The following CDC14A variants were observed in gnomAD, a reference collection of about 807,000 sequenced individuals.
CDC14A encodes dual specificity protein phosphatase CDC14A.
CDC14A carries 53 observed loss-of-function variants against 74.4 expected under a neutral mutation model. The ratio of observed to expected loss-of-function variants is 0.71; its 90% confidence interval spans 0.57 to 0.89. CDC14A has a LOEUF of 0.89. Ranked by LOEUF, CDC14A falls within the 40% of genes least tolerant of loss-of-function variation. The pLI is 0.00. For synonymous variants in CDC14A, 247 were observed against 258.4 expected (o/e 0.96, Z 0.43); for missense variants, 646 against 713.7 (o/e 0.91, Z 1.08).
At chr1:100,401,956 TG>T (rs1659317328) in intron 4 of CDC14A, among the ~76,000 whole-genome samples, 1 of 151,932 alleles carries the variant, frequency 6.6e-6, no homozygotes, top group Non-Finnish European at 1.5e-5. Flanking sequence ...GAGAATCACT[TG>T]AACCCGGGAG....
intron 10 of CDC14A, among the ~76,000 whole-genome samples, chr1:100,479,651 A>G (rs1379222131): frequency 6.6e-6 from 1 of 152,228 alleles, no homozygotes; most frequent in East Asian, 1.9e-4. Flanking sequence ...TTAACAAAAC[A>G]AGATACAGTG....
At position 100,376,926 on chromosome 1, in the gene CDC14A, C is replaced by T. The variant is rs1313159340; in HGVS notation, c.141-620C>T. ...AAAAGCAAGTAGTACAGGCCATGTA[C>T]TTGTTATATTCCTGTTGGTTCTTTC... On this transcript the variant is annotated intron_variant, in intron 2 of 15. Coordinates refer to ENST00000336454, the MANE Select transcript of CDC14A (RefSeq NM_003672.4). Among the ~76,000 whole-genome samples the T allele has an allele frequency of 2.6e-5, 4 of 151,952 alleles. No homozygotes were observed. In the East Asian group the frequency reaches 7.7e-4, roughly 29 times the overall value.
chr1:100,366,942 G>A (rs1218989089), intron 2 of CDC14A, among the ~76,000 whole-genome samples: 1 of 152,082 alleles, frequency 6.6e-6, no homozygotes, highest in Non-Finnish European at 1.5e-5. Flanking sequence ...GAACGCACGG[G>A]TACTCTGAAA....
At chr1:100,436,155 G>T (rs916561255) in intron 5 of CDC14A, among the ~76,000 whole-genome samples, 9 of 152,106 alleles carry the variant, frequency 5.9e-5, no homozygotes, top group Non-Finnish European at 1.0e-4. Flanking sequence ...CCTTAGAAGG[G>T]ATCTTCCAAT....
In CDC14A at chr1:100,499,102, AC is replaced by A. The variant is rs1335298785; in HGVS notation, c.1596del (p.Asn532LysfsTer16). ...ACTACCAGAAATTACCCTGAGCTCAACAATAATCAGTACAACAGAAGCAGCA... is the reference window on the plus strand; with the variant it reads ...ACTACCAGAAATTACCCTGAGCTCAAAATAATCAGTACAACAGAAGCAGCA... ...QPTTRNYPEL[N>X]NNQYNRSSNS... On this transcript the variant is annotated frameshift_variant, in exon 15 of 16. Coordinates refer to ENST00000336454, the MANE Select transcript of CDC14A (RefSeq NM_003672.4). LOFTEE classifies it high-confidence loss of function. 3 of 1,614,066 alleles carry A rather than the reference AC, an allele frequency of 1.9e-6. No homozygotes were observed. In the African/African-American group the frequency reaches 4.0e-5, roughly 22 times the overall value.
rs961481995 is a variant in CDC14A at position 100,496,125 on chromosome 1, A to T, written c.1298+76A>T. ...TTTAGCCATGTTTCCCAAGCCTCAAACACGAAAATCAACTGTACACAGCTT... is the reference window on the plus strand; with the variant it reads ...TTTAGCCATGTTTCCCAAGCCTCAATCACGAAAATCAACTGTACACAGCTT... On this transcript the variant is annotated intron_variant, in intron 13 of 15. Transcript: ENST00000336454. 73 of 1,269,046 alleles carry T rather than the reference A, an allele frequency of 5.8e-5. No individual in the cohort carries two copies. In the Admixed American group the frequency reaches 7.2e-4, roughly 13 times the overall value. The allele number at this position is 1,269,046 out of a possible 1,614,324, so 78.6% of individuals were successfully genotyped here.
At position 100,424,300 on chromosome 1, in the gene CDC14A, A is replaced by G; in HGVS notation, c.388A>G (p.Arg130Gly). ...CTCAAACCCCCCCTATCTTCCATTC[A>G]GGTATAACTCCTGGTGAGACTTGGG... ...SGSNPPYLPF[R>G]DASFGNCTYN... The change falls in exon 5 of 16, where the codon AGG (arginine) becomes GGG (glycine). Residue 130 changes from arginine to glycine, a missense_variant and splice_region_variant. By Grantham distance (125) the Arg-to-Gly change is moderately radical. Transcript: ENST00000336454. The G allele has an allele frequency of 6.2e-7, 1 of 1,610,712 alleles. No individual in the cohort carries two copies. Among genetic ancestry groups the G allele is most frequent in the Non-Finnish European group, 8.5e-7 (1 of 1,176,964 alleles).
chr1:100,484,842 G>A (rs965392930), intron 11 of CDC14A: 8 of 985,684 alleles, frequency 8.1e-6, no homozygotes, highest in Non-Finnish European at 9.6e-6. Flanking sequence ...TCTAAAGTAA[G>A]TGCCAACTTG....
rs372863256 is a variant in CDC14A at position 100,519,902 on chromosome 1, C to T, written c.*1622C>T. 1.6e-4 allele frequency: 25 copies of T among 151,846 alleles called. 1 individual carries two copies. Among genetic ancestry groups the T allele is most frequent in the Admixed American group, 9.2e-4 (14 of 15,246 alleles). The allele number at this position is 151,846 out of a possible 1,614,324, so 9.4% of individuals were successfully genotyped here. A position where few individuals can be genotyped will look rare whatever the true frequency, so the allele number is the denominator to read the frequency against. ...TTTCAAGTTATCATAAAAAGTAATT[C>T]AGATGACATTTGAGAAGTAGGGGAA... On this transcript the variant is annotated 3_prime_UTR_variant, in exon 16 of 16. Transcript: ENST00000336454.
chr1:100,384,822 C>G (rs903944187), intron 3 of CDC14A, among the ~76,000 whole-genome samples: 2 of 152,194 alleles, frequency 1.3e-5, no homozygotes, highest in African/African-American at 4.8e-5. Flanking sequence ...CATTCTGCAC[C>G]CAGATTCCCT....
chr1:100,471,786 T>C (rs1668423845), intron 10 of CDC14A, among the ~76,000 whole-genome samples: 1 of 152,122 alleles, frequency 6.6e-6, no homozygotes, highest in Non-Finnish European at 1.5e-5. Flanking sequence ...TGGATATCTA[T>C]ATGGGGAAAA....
At chr1:100,461,495 T>C (rs555977101) in intron 8 of CDC14A, among the ~76,000 whole-genome samples, 49 of 152,356 alleles carry the variant, frequency 3.2e-4, no homozygotes, top group African/African-American at 1.1e-3. Context: ...ACTGAGATAA[T>C]TGCACTCAGC....
At chr1:100,489,870 T>C (rs1221645373) in intron 11 of CDC14A, among the ~76,000 whole-genome samples, 2 of 152,158 alleles carry the variant, frequency 1.3e-5, no homozygotes, top group East Asian at 1.9e-4. Flanking sequence ...CTGCCTCTCC[T>C]GGACTAGCTT....
At chr1:100,380,554 T>TCAAAC (rs1315415574) in intron 3 of CDC14A, among the ~76,000 whole-genome samples, 6 of 152,216 alleles carry the variant, frequency 3.9e-5, no homozygotes, top group Non-Finnish European at 8.8e-5. Flanking sequence ...AATGCCTTTG[T>TCAAAC]TACTCACTTT....
chr1:100,375,741 G>T (rs145584004), intron 2 of CDC14A, among the ~76,000 whole-genome samples: 1 of 152,136 alleles, frequency 6.6e-6, no homozygotes, highest in Non-Finnish European at 1.5e-5. Flanking sequence ...ACAGTGTGGC[G>T]ATTCCTCAAG....
intron 4 of CDC14A, 81 bp from the exon 5 acceptor site, chr1:100,424,141 G>A: frequency 1.0e-6 from 1 of 980,824 alleles, no homozygotes; most frequent in South Asian, 1.3e-5. Context: ...TCAAAGTGGA[G>A]GAAGTGAAAT....
At chr1:100,500,962 G>A (rs1648653925) in intron 15 of CDC14A, among the ~76,000 whole-genome samples, 1 of 151,642 alleles carries the variant, frequency 6.6e-6, no homozygotes, top group Admixed American at 6.6e-5. Context: ...AGAGGAGCCT[G>A]GCATATCTGA....
Position 100,352,729 on chromosome 1 carries a change from G to C in CDC14A, c.-226G>C. 1.4e-6 allele frequency: 2 copies of C among 1,396,270 alleles called. No individual in the cohort carries two copies. The highest frequency in any genetic ancestry group is 5.3e-4 in the Middle Eastern group (2 of 3,744). The allele number at this position is 1,396,270 out of a possible 1,614,324, so 86.5% of individuals were successfully genotyped here. ...TAGGAGCGGCCACAGCCAGGGGCGT[G>C]AGCGCCCCGCGCGGAGCGAGCTCGG... On this transcript the variant is annotated 5_prime_UTR_variant, in exon 1 of 16. Coordinates refer to ENST00000336454, the MANE Select transcript of CDC14A (RefSeq NM_003672.4).
intron 2 of CDC14A, among the ~76,000 whole-genome samples, chr1:100,363,425 T>C (rs1331584082): frequency 6.6e-6 from 1 of 152,230 alleles, no homozygotes; most frequent in Non-Finnish European, 1.5e-5. Context: ...TCTTTTTAAC[T>C]CGTATATCAA....
Sources: gnomAD v4.1 joint callset for allele counts (sites outside exome capture counted in the v4.1 genomes callset) on GRCh38, gnomAD v4.1.1 for gene constraint, MANE v1.5 for transcripts, NCBI Gene and HGNC (gene_info 2026-07-23, HGNC 2026-07-21) for gene names.